RIF1: variants seen among roughly 807,000 people sequenced by gnomAD.
The protein encoded by RIF1 is replication timing regulatory factor 1, also known as telomere-associated protein RIF1.
RIF1 carries 45 observed loss-of-function variants against 247.1 expected under a neutral mutation model. That is an observed-to-expected ratio of 0.18 (90% CI 0.14 to 0.23). The LOEUF (loss-of-function observed/expected upper bound fraction) is 0.23, where lower values mean the gene tolerates loss of function less well. Ranked by LOEUF, RIF1 falls within the 10% of genes least tolerant of loss-of-function variation. The pLI is 1.00. For missense variants in RIF1, 2,967 were observed against 2,862.5 expected (o/e 1.04, Z -0.83); for synonymous variants, 1,087 against 978.8 (o/e 1.11, Z -2.06).
In RIF1 at chr2:151,432,854, T is replaced by C. The variant is rs538067748; in HGVS notation, c.926-223T>C. On this transcript the variant is annotated intron_variant, in intron 9 of 35. Transcript: ENST00000444746. Reference sequence around the variant, plus strand: ...ATATCTAATAAATATTACTTATTTGTTTTAAAATATATTTTTGATTTATTG... The same window carrying C: ...ATATCTAATAAATATTACTTATTTGCTTTAAAATATATTTTTGATTTATTG... Among the ~76,000 whole-genome samples the C allele has an allele frequency of 3.9e-5, 6 of 152,352 alleles. No homozygotes were observed. In the South Asian group the frequency reaches 1.2e-3, roughly 32 times the overall value.
chr2:151,443,125 G>T, intron 16 of RIF1, 134 bp from the exon 17 acceptor site: 1 of 618,552 alleles, frequency 1.6e-6, no homozygotes, highest in Non-Finnish European at 2.8e-6. Context: ...TACTAACATG[G>T]TTGTCATACC....
chr2:151,465,900 T>G lies in RIF1; in HGVS notation c.6380T>G (p.Leu2127Arg), dbSNP rs768555037. The change falls in exon 30 of 36, where the codon CTG becomes CGG. Residue 2127 changes from leucine (L) to arginine (R), a missense_variant. Transcript: ENST00000444746. Reference protein sequence around the residue: ...SQKVEEPSQCLASGTAISELI... With the variant: ...SQKVEEPSQCRASGTAISELI... ...AAAGTGGAGGAACCATCACAGTGTC[T>G]GGCATCTGGAACAGCTATCTCTGAG... 6.2e-7 allele frequency: 1 copy of G among 1,614,132 alleles called. No homozygotes were observed. The highest frequency in any genetic ancestry group is 8.5e-7 in the Non-Finnish European group (1 of 1,179,948).
At chr2:151,468,276 T>C in intron 31 of RIF1, 130 bp downstream of exon 31, 3 of 939,914 alleles carry the variant, frequency 3.2e-6, no homozygotes, top group Non-Finnish European at 4.7e-6. Flanking sequence ...TTTTGTCTGG[T>C]ACACGGTAAG....
chr2:151,443,716 A>G lies in RIF1; in HGVS notation c.1986+7A>G. 1 of 1,499,780 alleles carries G rather than the reference A, an allele frequency of 6.7e-7. No individual in the cohort carries two copies. The allele number at this position is 1,499,780 out of a possible 1,614,324, so 92.9% of individuals were successfully genotyped here. A position where few individuals can be genotyped will look rare whatever the true frequency, so the allele number is the denominator to read the frequency against. ...AACTGAATTGATTAATCAGGTATGA[A>G]ATAAATCTGCTACGTATTTTGGATA... is the stretch of plus-strand genomic sequence containing the variant. On this transcript the variant is annotated splice_region_variant and intron_variant, in intron 18 of 35. Transcript: ENST00000444746.
chr2:151,513,507 A>T, the RIF1 span: 1 of 1,076,368 alleles, frequency 9.3e-7, no homozygotes, highest in Non-Finnish European at 1.4e-6. Flanking sequence ...AAATCAGATG[A>T]CAGAGGGACA....
intron 6 of RIF1, among the ~76,000 whole-genome samples, chr2:151,417,370 A>G (rs886774486): frequency 6.6e-6 from 1 of 152,052 alleles, no homozygotes; most frequent in Non-Finnish European, 1.5e-5. Context: ...TGTTCTTTAA[A>G]ATTTTCTTGT....
At chr2:151,531,133 TC>T in the RIF1 span, 1 of 1,363,126 alleles carries the variant, frequency 7.3e-7, no homozygotes, top group Non-Finnish European at 1.0e-6. Flanking sequence ...AGACATCATG[TC>T]ATGCTTCTCA....
At chr2:151,518,209 A>G in the RIF1 span, 4 of 828,476 alleles carry the variant, frequency 4.8e-6, no homozygotes, top group Non-Finnish European at 8.5e-6. Context: ...AAAACCCCTT[A>G]TATCTTTGTG....
Position 151,474,951 on chromosome 2 carries a change from T to C in RIF1, c.7299T>C (p.Leu2433=), listed in dbSNP as rs143993388. 1.2e-6 allele frequency: 2 copies of C among 1,611,542 alleles called. No homozygotes were observed. The highest frequency in any genetic ancestry group is 1.7e-6 in the Non-Finnish European group (2 of 1,177,802). ...ALALQLDSED[L]HNYSGSQLFE... The stretch of plus-strand genomic sequence containing the variant: ...CTCTTCAGCTGGATTCAGAAGATCT[T>C]CATAATTATTCAGGAAGCCAACTAT... Residue 2433 remains leucine (L), a synonymous_variant, in exon 36 of 36, where the codon CTT becomes CTC. Coordinates refer to ENST00000444746, the MANE Select transcript of RIF1 (RefSeq NM_018151.5).
chr2:151,456,107 G>A (rs1411607335), intron 22 of RIF1, among the ~76,000 whole-genome samples: 1 of 152,026 alleles, frequency 6.6e-6, no homozygotes, highest in African/African-American at 2.4e-5. Context: ...AAAAGCCTCA[G>A]TAACAAACTC....
rs1418868898 is a variant in RIF1, at chr2:151,479,994, A to G, written c.*4923A>G. The G allele has an allele frequency of 1.3e-5, 2 of 152,198 alleles. No homozygotes were observed. Among genetic ancestry groups the G allele is most frequent in the African/African-American group, 4.8e-5 (2 of 41,466 alleles). The allele number at this position is 152,198 out of a possible 1,614,324, so 9.4% of individuals were successfully genotyped here. On this transcript the variant is annotated 3_prime_UTR_variant, in exon 36 of 36. Coordinates refer to ENST00000444746, the MANE Select transcript of RIF1 (RefSeq NM_018151.5). ...CATTGAAGTTTGAAGATCTATAAAT[A>G]TTTAATATAGTAGTCTAAACAGTTG...
At chr2:151,460,230 T>C (rs1695911539) in intron 26 of RIF1, 111 bp downstream of exon 26, 10 of 875,946 alleles carry the variant, frequency 1.1e-5, no homozygotes, top group Non-Finnish European at 1.5e-5. Flanking sequence ...AAGGTTGGGA[T>C]TGCAGGGGAA....
chr2:151,443,846 C>T, intron 18 of RIF1, 137 bp downstream of exon 18: 1 of 516,644 alleles, frequency 1.9e-6, no homozygotes, highest in Non-Finnish European at 3.2e-6. Context: ...AAACGTTGTA[C>T]TTTTGATTGA....
chr2:151,417,011 A>T, intron 6 of RIF1, 110 bp downstream of exon 6: 15 of 729,480 alleles, frequency 2.1e-5, no homozygotes, highest in Middle Eastern at 3.1e-4. Flanking sequence ...GGGGAATGTC[A>T]TTTACACCAA....
chr2:151,464,072 A>G lies in RIF1; in HGVS notation c.4552A>G (p.Thr1518Ala). 14 of 1,613,222 alleles carry G rather than the reference A, an allele frequency of 8.7e-6. No individual in the cohort carries two copies. Among genetic ancestry groups the G allele is most frequent in the Non-Finnish European group, 1.2e-5 (14 of 1,179,786 alleles). Residue 1518 changes from threonine (T) to alanine (A), a missense_variant, in exon 30 of 36, where the codon ACC becomes GCC. Transcript: ENST00000444746. Reference sequence around the variant, plus strand: ...GAACATTAAGTCTGAGGGGGATGGTACCCAGGACATTGTAGATAAGTCCTC... The same window carrying G: ...GAACATTAAGTCTGAGGGGGATGGTGCCCAGGACATTGTAGATAAGTCCTC... ...PENIKSEGDGTQDIVDKSSEK... is the reference protein window; with the variant it reads ...PENIKSEGDGAQDIVDKSSEK...
rs758444605 is a variant in RIF1 at position 151,490,481 on chromosome 2, A to C, written c.*416-4748A>C. 1 of 1,609,288 alleles carries C rather than the reference A, an allele frequency of 6.2e-7. No individual in the cohort carries two copies. Among genetic ancestry groups the C allele is most frequent in the Non-Finnish European group, 8.5e-7 (1 of 1,177,902 alleles). On this transcript the variant is annotated intron_variant and NMD_transcript_variant, in intron 9 of 13. Transcript: ENST00000454583. ...CCCCACTGATGCTTAGTGCACTGGC[A>C]GATCGTGACTGCTCCCGGCTCCGGC...
intron 10 of RIF1, chr2:151,497,619 A>AAAG: frequency 1.3e-6 from 2 of 1,564,548 alleles, no homozygotes; most frequent in Middle Eastern, 1.7e-4. Context: ...TTTTCTTGCC[A>AAAG]AAGTACCGAG....
At position 151,435,667 on chromosome 2, in the gene RIF1, C is replaced by T; in HGVS notation, c.1195+87C>T. The T allele has an allele frequency of 5.9e-6, 4 of 681,090 alleles. No individual in the cohort carries two copies. In the South Asian group the frequency reaches 6.4e-5, roughly 11 times the overall value. 42.2% of individuals were successfully genotyped at this position (681,090 alleles called of 1,614,324 possible). A position where few individuals can be genotyped will look rare whatever the true frequency, so the allele number is the denominator to read the frequency against. ...AGTTTTGAAGTAGGAAAAAAAAAGG[C>T]TTTGAGAGGTTTTGCTCAGTGTTTT... On this transcript the variant is annotated intron_variant, in intron 11 of 35. Coordinates refer to ENST00000444746, the MANE Select transcript of RIF1 (RefSeq NM_018151.5).
At chr2:151,444,331 T>A (rs1692865881) in intron 18 of RIF1, among the ~76,000 whole-genome samples, 1 of 152,130 alleles carries the variant, frequency 6.6e-6, no homozygotes, top group Non-Finnish European at 1.5e-5. Context: ...TGTTGTTGAG[T>A]TGGAATCTCA....
Sources: allele counts gnomAD v4.1 joint callset (sites outside exome capture counted in the v4.1 genomes callset), GRCh38; gene constraint gnomAD v4.1.1; transcripts MANE v1.5; gene names NCBI Gene and HGNC (gene_info 2026-07-23, HGNC 2026-07-21).